Variants in FKBP6 observed in about 807,000 individuals in gnomAD.
FKBP6 encodes the protein FKBP prolyl isomerase family member 6 (inactive).
In FKBP6, 29 loss-of-function variants were observed where a neutral mutation model predicts 41.7. The ratio of observed to expected loss-of-function variants is 0.70; its 90% CI spans 0.52 to 0.95. The LOEUF (loss-of-function observed/expected upper bound fraction) is 0.95. Among genes scored for constraint, FKBP6 ranks in the 40% least tolerant of loss-of-function variants. The pLI is 0.00. For missense variants in FKBP6, 338 were observed against 408.7 expected (o/e 0.83, Z 1.49); for synonymous variants, 130 against 165.1 (o/e 0.79, Z 1.63).
chr7:73,328,613 C>T lies in FKBP6; in HGVS notation c.96C>T (p.Ile32=), dbSNP rs782497424. ...YERLSQRMLD[I]SGDRGVLKDV... ...GGTTAAGTCAGAGGATGCTGGACATCTCGGGGGACCGGGGCGTGCTGAAGG... is the reference window on the plus strand; with the variant it reads ...GGTTAAGTCAGAGGATGCTGGACATTTCGGGGGACCGGGGCGTGCTGAAGG... The change falls in exon 2 of 9, where the codon ATC becomes ATT. Residue 32 remains isoleucine (I), a synonymous_variant. Coordinates refer to ENST00000252037, the MANE Select transcript of FKBP6 (RefSeq NM_003602.5). 6.3e-5 allele frequency: 102 copies of T among 1,610,348 alleles called. No individual in the cohort carries two copies. The highest frequency in any genetic ancestry group is 8.1e-5 in the Non-Finnish European group (96 of 1,178,724).
At chr7:73,329,980 A>T in intron 3 of FKBP6, 170 bp from the exon 4 acceptor site, 1 of 666,234 alleles carries the variant, frequency 1.5e-6, no homozygotes, top group Non-Finnish European at 2.7e-6. Context: ...AATAAAATTT[A>T]TATCAGTAGA....
chr7:73,345,951 T>C (rs1805321414), intron 8 of FKBP6, among the ~76,000 whole-genome samples: 1 of 151,738 alleles, frequency 6.6e-6, no homozygotes, highest in African/African-American at 2.4e-5. Flanking sequence ...GCCTGAGAGG[T>C]GGTTAAAGGG....
At chr7:73,348,959 C>T (rs951571294) in intron 8 of FKBP6, among the ~76,000 whole-genome samples, 2 of 151,916 alleles carry the variant, frequency 1.3e-5, no homozygotes, top group Non-Finnish European at 2.9e-5. Context: ...GCCAAAATTA[C>T]CTGGATGTGG....
chr7:73,344,824 G>A (rs1387325876), intron 8 of FKBP6, among the ~76,000 whole-genome samples: 5 of 152,226 alleles, frequency 3.3e-5, no homozygotes, highest in East Asian at 1.9e-4. Flanking sequence ...ACCTCAGGTG[G>A]TCCTCCCGCC....
Position 73,341,318 on chromosome 7 carries a change from G to T in FKBP6, c.829G>T (p.Val277Phe). ...GTATCAAAAGGCCCGGGATTTTCTA[G>T]TTCGAGCCCAGAAGGAGCAACCCTT... ...TEYQKARDFL[V>F]RAQKEQPFNH... Residue 277 changes from valine (V) to phenylalanine (F), a missense_variant, in exon 7 of 9, where the codon GTT (valine) becomes TTT (phenylalanine). By Grantham distance (50) the Val-to-Phe change is conservative (BLOSUM62 -1). Around this residue, in one of 2 missense-constraint regions of FKBP6, gnomAD observed 239 missense variants for 250.1 expected, o/e 0.96. Coordinates refer to ENST00000252037, the MANE Select transcript of FKBP6 (RefSeq NM_003602.5). 1 of 1,613,960 alleles carries T rather than the reference G, an allele frequency of 6.2e-7. No individual in the cohort carries two copies. The highest frequency in any genetic ancestry group is 8.5e-7 in the Non-Finnish European group (1 of 1,179,830).
chr7:73,329,352 T>C lies in FKBP6; in HGVS notation c.176-8T>C. On this transcript the variant is annotated splice_polypyrimidine_tract_variant and splice_region_variant and intron_variant, in intron 2 of 8. Coordinates refer to ENST00000252037, the MANE Select transcript of FKBP6 (RefSeq NM_003602.5). Reference sequence around the variant, plus strand: ...TCCATTTTCCTTACATTCTTTCTTCTATCCTAGTGAAATACTCGGGATACC... The same window carrying C: ...TCCATTTTCCTTACATTCTTTCTTCCATCCTAGTGAAATACTCGGGATACC... The C allele has an allele frequency of 6.5e-7, 1 of 1,547,332 alleles. No homozygotes were observed. The highest frequency in any genetic ancestry group is 1.1e-5 in the South Asian group (1 of 89,614).
chr7:73,341,105 G>A (rs1805167923), intron 6 of FKBP6, among the ~76,000 whole-genome samples, 168 bp from the exon 7 acceptor site: 1 of 151,932 alleles, frequency 6.6e-6, no homozygotes, highest in Non-Finnish European at 1.5e-5. Context: ...TGTAGTTTTA[G>A]TAGAGATAGG....
chr7:73,351,307 G>T (rs1268158999), intron 8 of FKBP6, among the ~76,000 whole-genome samples: 3 of 152,168 alleles, frequency 2.0e-5, no homozygotes, highest in Non-Finnish European at 4.4e-5. Flanking sequence ...TGGGATTACA[G>T]GCGTGAGCCA....
In FKBP6 at chr7:73,331,779, G is replaced by A. The variant is rs1277801023; in HGVS notation, c.588+3G>A. The A allele has an allele frequency of 6.2e-7, 1 of 1,613,544 alleles. No homozygotes were observed. The highest frequency in any genetic ancestry group is 8.5e-7 in the Non-Finnish European group (1 of 1,179,512). ...ATGCCAAAGTGAGATATAAAAGGGTGAGAATGCTTTGAAAGTTAAGTGTAA... is the reference window on the plus strand; with the variant it reads ...ATGCCAAAGTGAGATATAAAAGGGTAAGAATGCTTTGAAAGTTAAGTGTAA... On this transcript the variant is annotated splice_donor_region_variant and intron_variant, in intron 5 of 8. Transcript: ENST00000252037.
intron 6 of FKBP6, 98 bp downstream of exon 6, chr7:73,340,930 T>C: frequency 1.1e-6 from 1 of 950,716 alleles, no homozygotes; most frequent in Non-Finnish European, 1.6e-6. Context: ...TTTTTTTTTT[T>C]TTTTTTTTTT....
chr7:73,341,225 A>C, intron 6 of FKBP6, 48 bp from the exon 7 acceptor site: 1 of 1,341,270 alleles, frequency 7.5e-7, no homozygotes, highest in Non-Finnish European at 1.1e-6. Flanking sequence ...TGCCCAGCCA[A>C]ATGATATCTT....
At chr7:73,357,268 G>GTTT in intron 8 of FKBP6, among the ~76,000 whole-genome samples, 1 of 140,010 alleles carries the variant, frequency 7.1e-6, no homozygotes, top group African/African-American at 2.6e-5. Context: ...TGTTTGGTTT[G>GTTT]GTTTTTTTTT....
At chr7:73,346,827 G>A (rs1583818252) in intron 8 of FKBP6, among the ~76,000 whole-genome samples, 1 of 152,226 alleles carries the variant, frequency 6.6e-6, no homozygotes, top group South Asian at 2.1e-4. Context: ...TTACCTGAGG[G>A]AGCATGACCA....
Position 73,346,716 on chromosome 7 carries a change from A to T in FKBP6, c.*2+3817A>T, listed in dbSNP as rs528746783. Among the ~76,000 whole-genome samples, 3 of 152,162 alleles carry T rather than the reference A, an allele frequency of 2.0e-5. No individual in the cohort carries two copies. In the East Asian group the frequency reaches 5.8e-4, roughly 29 times the overall value. On this transcript the variant is annotated intron_variant, in intron 8 of 8. Coordinates refer to ENST00000252037, the MANE Select transcript of FKBP6 (RefSeq NM_003602.5). ...AGAGGTGATGGCAGCCTGGACGTGA[A>T]CCTACTGGCAAGAGCGGAAGGGTGG...
Position 73,330,154 on chromosome 7 carries a change from TAC to T in FKBP6, c.273_274del (p.Leu92ValfsTer44). 6.2e-7 allele frequency: 1 copy of T among 1,613,044 alleles called. No individual in the cohort carries two copies. The highest frequency in any genetic ancestry group is 1.7e-5 in the Admixed American group (1 of 60,020). On this transcript the variant is annotated frameshift_variant, in exon 4 of 9. Transcript: ENST00000252037. LOFTEE classifies it high-confidence loss of function. ...CTTCTTTGTCCATTCTTACAGATATTACACTGTGGGGCATGGAGCTGGGCCTT... is the reference window on the plus strand; with the variant it reads ...CTTCTTTGTCCATTCTTACAGATATTACTGTGGGGCATGGAGCTGGGCCTT... The part of the protein sequence containing the change: ...PRLMKLGEDI[T>X]LWGMELGLLS...
Position 73,330,252 on chromosome 7 carries a change from G to T in FKBP6, c.368G>T (p.Cys123Phe). 6.2e-7 allele frequency: 1 copy of T among 1,613,984 alleles called. No homozygotes were observed. The highest frequency in any genetic ancestry group is 8.5e-7 in the Non-Finnish European group (1 of 1,179,852). Residue 123 changes from cysteine to phenylalanine, a missense_variant, in exon 4 of 9, where the codon TGC (cysteine) becomes TTC (phenylalanine). Around this residue, in one of 2 missense-constraint regions of FKBP6, gnomAD observed 239 missense variants for 250.1 expected, o/e 0.96. Coordinates refer to ENST00000252037, the MANE Select transcript of FKBP6 (RefSeq NM_003602.5). ...KPNYAYGTLG[C>F]PPLIPPNTTV... ...AACTACGCCTATGGAACGCTGGGCT[G>T]CCCTCCCTTGATCCCCCCAAACACC... is the stretch of plus-strand genomic sequence containing the variant.
intron 8 of FKBP6, among the ~76,000 whole-genome samples, chr7:73,355,538 T>C (rs140372491): frequency 2.0e-5 from 3 of 152,264 alleles, no homozygotes; most frequent in African/African-American, 7.2e-5. Flanking sequence ...TTTTAGGGCT[T>C]ATTCCTAAAG....
intron 6 of FKBP6, 92 bp from the exon 7 acceptor site, chr7:73,341,181 C>G: frequency 1.1e-6 from 1 of 933,042 alleles, no homozygotes; most frequent in Non-Finnish European, 1.8e-6. Flanking sequence ...GCCTTGGCCT[C>G]CCAAAGTGCT....
At chr7:73,351,702 G>A (rs1554551150) in intron 8 of FKBP6, among the ~76,000 whole-genome samples, 1 of 152,098 alleles carries the variant, frequency 6.6e-6, no homozygotes, top group African/African-American at 2.4e-5. Flanking sequence ...GCCGTAATAG[G>A]CCTCAACCCT....
Sources: allele counts gnomAD v4.1 joint callset (sites outside exome capture counted in the v4.1 genomes callset), GRCh38; gene constraint gnomAD v4.1.1; regional missense constraint gnomAD v4.1.1; transcripts MANE v1.5; gene names NCBI Gene and HGNC (gene_info 2026-07-23, HGNC 2026-07-21).